Variants in PRKD3 observed in about 807,000 individuals in gnomAD.
The protein encoded by PRKD3 is serine/threonine-protein kinase D3.
PRKD3 carries 47 observed loss-of-function variants against 99.2 expected under a neutral mutation model. That is an observed-to-expected ratio of 0.47 (90% confidence interval 0.38 to 0.60). The LOEUF is 0.60. PRKD3 is among the 20% of genes least tolerant of loss of function. PRKD3 has a pLI of 0.00. For missense variants in PRKD3, 1,019 were observed against 1,088.4 expected, an observed-to-expected ratio of 0.94 and a Z score of 0.90; for synonymous variants, 392 against 355.4, an observed-to-expected ratio of 1.10 and a Z score of -1.16.
chr2:37,303,979 T>C (rs991060559), intron 2 of PRKD3, among the ~76,000 whole-genome samples: 5 of 152,164 alleles, frequency 3.3e-5, no homozygotes, highest in African/African-American at 9.7e-5. Context: ...AGACATTGAA[T>C]ACCAACGTCA....
rs1457198077 is a variant in PRKD3, at chr2:37,316,930, C to T, written c.-406G>A. 3.0e-6 allele frequency: 3 copies of T among 1,000,966 alleles called. No homozygotes were observed. The highest frequency in any genetic ancestry group is 3.5e-5 in the African/African-American group (2 of 57,390). The allele number at this position is 1,000,966 out of a possible 1,614,324, so 62.0% of individuals were successfully genotyped here. On this transcript the variant is annotated 5_prime_UTR_variant, in exon 2 of 19. Transcript: ENST00000234179. ...GTTGTTTTTCTGTCAAGGTGAAATC[C>T]TCTTCGTTTAAAAAACAGTAAGTGT...
intron 3 of PRKD3, 131 bp from the exon 4 acceptor site, chr2:37,291,130 G>C: frequency 1.3e-6 from 1 of 784,110 alleles, no homozygotes; most frequent in South Asian, 2.9e-5. Flanking sequence ...GACCATAAAA[G>C]TAAATTATTT....
chr2:37,257,666 CAAAAGAAAAAAAA>C (rs1487821828), intron 16 of PRKD3, among the ~76,000 whole-genome samples: 4 of 62,400 alleles, frequency 6.4e-5, no homozygotes, highest in Non-Finnish European at 1.2e-4. Context: ...GACTCTGTCT[CAAAAGAAAAAAAA>C]AAAAAAAAAA....
At chr2:37,261,698 T>C (rs536186864) in intron 14 of PRKD3, among the ~76,000 whole-genome samples, 1 of 152,306 alleles carries the variant, frequency 6.6e-6, no homozygotes, top group African/African-American at 2.4e-5. Context: ...GAGAATTGCT[T>C]GAACCTGGGA....
chr2:37,283,307 T>C (rs1279761567), intron 6 of PRKD3, among the ~76,000 whole-genome samples: 1 of 151,874 alleles, frequency 6.6e-6, no homozygotes, highest in East Asian at 1.9e-4. Flanking sequence ...GTGGGGAGGG[T>C]AGGGCTGAGC....
chr2:37,287,967 C>T (rs915823855), intron 5 of PRKD3, among the ~76,000 whole-genome samples: 2 of 152,204 alleles, frequency 1.3e-5, no homozygotes, highest in African/African-American at 4.8e-5. Context: ...TTCCATGCTA[C>T]AAGTTCTACT....
chr2:37,260,393 A>T lies in PRKD3; in HGVS notation c.1885-9T>A, dbSNP rs1452445361. On this transcript the variant is annotated splice_polypyrimidine_tract_variant and intron_variant, in intron 14 of 18. Transcript: ENST00000234179. Reference sequence around the variant, plus strand: ...CCAGGATGGTGCAAATTCTGAAGAGAGGTTGCAAGATACATGAGCAACTTA... The same window carrying T: ...CCAGGATGGTGCAAATTCTGAAGAGTGGTTGCAAGATACATGAGCAACTTA... The T allele has an allele frequency of 1.2e-6, 2 of 1,606,312 alleles. No homozygotes were observed. Among genetic ancestry groups the T allele is most frequent in the South Asian group, 2.2e-5 (2 of 90,882 alleles).
chr2:37,256,237 A>C lies in PRKD3; in HGVS notation c.2413+425T>G, dbSNP rs144310257. Among the ~76,000 whole-genome samples, 31 of 152,266 alleles carry C rather than the reference A, an allele frequency of 2.0e-4. 1 individual carries two copies. Among genetic ancestry groups the C allele is most frequent in the African/African-American group, 7.0e-4 (29 of 41,554 alleles). ...TTTGTGTAGGGAGTAGTGGGAGATG[A>C]GGCTAGAAGGTAAGCATGGACCATA... On this transcript the variant is annotated intron_variant, in intron 17 of 18. Coordinates refer to ENST00000234179, the MANE Select transcript of PRKD3 (RefSeq NM_005813.6).
intron 18 of PRKD3, 87 bp downstream of exon 18, chr2:37,254,117 G>C: frequency 2.1e-6 from 2 of 938,108 alleles, no homozygotes; most frequent in East Asian, 4.8e-5. Context: ...TTATTCTGCT[G>C]ATCTTAGAGT....
rs1229313411 is a variant in PRKD3, at chr2:37,287,090, C to A, written c.718-721G>T. On this transcript the variant is annotated intron_variant, in intron 5 of 18. Coordinates refer to ENST00000234179, the MANE Select transcript of PRKD3 (RefSeq NM_005813.6). ...TACTAAAAATACAAAATTAGCCAGG[C>A]GTGGGGGTGCATGCCTGTAATCCCA... Among the ~76,000 whole-genome samples, 4 of 151,552 alleles carry A rather than the reference C, an allele frequency of 2.6e-5. No homozygotes were observed. In the South Asian group the frequency reaches 6.3e-4, roughly 24 times the overall value.
chr2:37,321,547 C>T (rs944595734), intron 1 of PRKD3, among the ~76,000 whole-genome samples: 1 of 152,182 alleles, frequency 6.6e-6, no homozygotes, highest in Non-Finnish European at 1.5e-5. Context: ...AGCAGTATTT[C>T]CACTTAACAA....
intron 7 of PRKD3, among the ~76,000 whole-genome samples, chr2:37,281,209 A>T (rs574777712): frequency 1.3e-5 from 2 of 152,352 alleles, no homozygotes; most frequent in African/African-American, 4.8e-5. Flanking sequence ...CTCACTAGTA[A>T]TCAAATGCAC....
At chr2:37,292,148 C>T (rs1458825591) in intron 3 of PRKD3, among the ~76,000 whole-genome samples, 3 of 151,962 alleles carry the variant, frequency 2.0e-5, no homozygotes, top group Non-Finnish European at 4.4e-5. Flanking sequence ...TCTTTTTTTC[C>T]TGATTCTCTT....
chr2:37,295,171 T>C (rs1180659461), intron 2 of PRKD3, among the ~76,000 whole-genome samples: 2 of 152,212 alleles, frequency 1.3e-5, no homozygotes, highest in East Asian at 1.9e-4. Flanking sequence ...AAGTGCAAGA[T>C]ACTGGCCCCA....
intron 8 of PRKD3, 28 bp downstream of exon 8, chr2:37,279,718 A>G (rs758348399): frequency 6.5e-7 from 1 of 1,548,082 alleles, no homozygotes; most frequent in Admixed American, 1.9e-5. Context: ...TGCATCTGGA[A>G]GTAGCTTGTA....
intron 2 of PRKD3, among the ~76,000 whole-genome samples, chr2:37,304,196 TA>T (rs70949750): frequency 0.018 from 1,679 of 93,972 alleles, 23 homozygotes; most frequent in African/African-American, 0.06. Flanking sequence ...AGGTACTTAC[TA>T]AAAAAAAAAA....
Position 37,259,644 on chromosome 2 carries a change from A to G in PRKD3, c.2084T>C (p.Ile695Thr), listed in dbSNP as rs780310280. The change falls in exon 16 of 19, where the codon ATT becomes ACT. Residue 695 changes from isoleucine to threonine, a missense_variant. Around this residue, in one of 3 missense-constraint regions of PRKD3, gnomAD observed 184 missense variants for 275.1 expected, o/e 0.67. Transcript: ENST00000234179. ...VALRNLHFKN[I>T]VHCDLKPENV... is the part of the protein sequence containing the mutation. ...TTCTGGCTTTAAATCACAGTGCACA[A>G]TATTCTTAAAATGCAGATTCCTCAA... is the stretch of plus-strand genomic sequence containing the variant. The G allele has an allele frequency of 6.2e-7, 1 of 1,613,434 alleles. No individual in the cohort carries two copies. Among genetic ancestry groups the G allele is most frequent in the Non-Finnish European group, 8.5e-7 (1 of 1,179,424 alleles).
At chr2:37,277,838 G>A (rs761288572) in intron 9 of PRKD3, 28 bp downstream of exon 9, 2 of 1,603,816 alleles carry the variant, frequency 1.2e-6, no homozygotes, top group African/African-American at 1.3e-5. Context: ...AGTCTTACTA[G>A]CATATTCAAA....
chr2:37,281,844 T>C (rs920971404), intron 7 of PRKD3, among the ~76,000 whole-genome samples: 5 of 152,162 alleles, frequency 3.3e-5, no homozygotes, highest in Non-Finnish European at 5.9e-5. Context: ...GTCATGTAAA[T>C]TGTTAAAGGA....
Sources: allele counts gnomAD v4.1 joint callset (sites outside exome capture counted in the v4.1 genomes callset), GRCh38; gene constraint gnomAD v4.1.1; regional missense constraint gnomAD v4.1.1; transcripts MANE v1.5; gene names NCBI Gene and HGNC (gene_info 2026-07-23, HGNC 2026-07-21).